Variants in FGFR2 observed in about 807,000 individuals in gnomAD.
FGFR2 encodes the protein fibroblast growth factor receptor 2.
FGFR2 carries 19 observed loss-of-function variants against 95.9 expected under a neutral mutation model. The ratio of observed to expected loss-of-function variants is 0.20; its 90% confidence interval spans 0.14 to 0.29. The LOEUF (loss-of-function observed/expected upper bound fraction) is 0.29, where lower values mean the gene tolerates loss of function less well. Ranked by LOEUF, FGFR2 falls within the 10% of genes least tolerant of loss-of-function variation. The pLI is 1.00. For missense variants in FGFR2, 707 were observed against 1,056.9 expected, an observed-to-expected ratio of 0.67 and a Z score of 4.59; for synonymous variants, 392 against 393.3, an observed-to-expected ratio of 1.00 and a Z score of 0.04.
chr10:121,485,949 G>A lies in FGFR2; in HGVS notation c.2058-417C>T, dbSNP rs529438970. Among the ~76,000 whole-genome samples the A allele has an allele frequency of 2.0e-5, 3 of 152,346 alleles. No individual in the cohort carries two copies. The highest frequency in any genetic ancestry group is 7.2e-5 in the African/African-American group (3 of 41,580). On this transcript the variant is annotated intron_variant, in intron 15 of 17. Coordinates refer to ENST00000358487, the MANE Select transcript of FGFR2 (RefSeq NM_000141.5). This position sits in a 1 kb window ranked among gnomAD's most constrained non-coding sequence, Gnocchi z 4.2. ...AAGCCAACTCCGCAGGATCACAGCT[G>A]CCCTGTGTGGCTGGCGGAACATCTG...
At chr10:121,553,129 C>G (rs1855627259) in intron 4 of FGFR2, among the ~76,000 whole-genome samples, 2 of 152,208 alleles carry the variant, frequency 1.3e-5, no homozygotes, top group Non-Finnish European at 2.9e-5. Context: ...GATTTCTTTA[C>G]AAGGCCATGC....
At chr10:121,574,549 TAATTA>T (rs1051433902) in intron 2 of FGFR2, among the ~76,000 whole-genome samples, 2 of 151,462 alleles carry the variant, frequency 1.3e-5, no homozygotes, top group Admixed American at 1.3e-4. Flanking sequence ...ATAATAATAA[TAATTA>T]AATTAAAAAA....
At chr10:121,519,413 G>A (rs945112653) in intron 7 of FGFR2, among the ~76,000 whole-genome samples, 1 of 152,130 alleles carries the variant, frequency 6.6e-6, no homozygotes, top group African/African-American at 2.4e-5. Flanking sequence ...ATATGACCTA[G>A]AGTTTATTGT....
chr10:121,593,970 A>G lies in FGFR2; in HGVS notation c.-150-3T>C. On this transcript the variant is annotated splice_polypyrimidine_tract_variant and splice_region_variant and intron_variant, in intron 1 of 17. Coordinates refer to ENST00000358487, the MANE Select transcript of FGFR2 (RefSeq NM_000141.5). ...CGCTGCCGCTGCTGCTGCAGTCACT[A>G]AAGGAAAGAGATTGGCGAGTCAGGG... The G allele has an allele frequency of 1.4e-6, 1 of 737,904 alleles. No homozygotes were observed. The highest frequency in any genetic ancestry group is 2.4e-6 in the Non-Finnish European group (1 of 410,640). 45.7% of individuals were successfully genotyped at this position (737,904 alleles called of 1,614,324 possible). A position where few individuals can be genotyped will look rare whatever the true frequency, so the allele number is the denominator to read the frequency against.
Position 121,520,001 on chromosome 10 carries a change from AGCCC to A in FGFR2, c.913_916del (p.Gly305CysfsTer27). ...CACCTTGAGAACCTTGAGGTAGGGC[AGCCC>A]GTCGGGCCCGTATTTACTGCCGTTC... On this transcript the variant is annotated frameshift_variant, in exon 7 of 18. Transcript: ENST00000358487. LOFTEE classifies it high-confidence loss of function. The A allele has an allele frequency of 1.2e-6, 2 of 1,614,244 alleles. No homozygotes were observed. Among genetic ancestry groups the A allele is most frequent in the Non-Finnish European group, 1.7e-6 (2 of 1,180,030 alleles).
chr10:121,487,465 A>C (rs777046344), intron 14 of FGFR2, 41 bp from the exon 15 acceptor site: 2 of 1,540,226 alleles, frequency 1.3e-6, no homozygotes, highest in Admixed American at 3.4e-5. Context: ...AATATATTTA[A>C]AAGAATTTAT....
rs755001161 is a variant in FGFR2, at chr10:121,538,612, G to A, written c.728C>T (p.Thr243Met). ...VENEYGSINH[T>M]YHLDVVERSP... is the part of the protein sequence containing the mutation. ...CTCACCCACAACATCCAGGTGGTAC[G>A]TGTGATTGATGGACCCGTATTCATT... The change falls in exon 6 of 18, where the codon ACG becomes ATG. Residue 243 changes from threonine to methionine, a missense_variant. Physicochemically the swap from Thr to Met is moderately conservative, Grantham distance 81. Coordinates refer to ENST00000358487, the MANE Select transcript of FGFR2 (RefSeq NM_000141.5). 11 of 1,614,180 alleles carry A rather than the reference G, an allele frequency of 6.8e-6. No individual in the cohort carries two copies. Among genetic ancestry groups the A allele is most frequent in the East Asian group, 4.5e-5 (2 of 44,866 alleles).
rs1398842143 is a variant in FGFR2 at position 121,565,665 on chromosome 10, T to A, written c.149A>T (p.Tyr50Phe). The change falls in exon 3 of 18, where the codon TAC becomes TTC. Residue 50 changes from tyrosine to phenylalanine, a missense_variant. Physicochemically the swap from Tyr to Phe is conservative, Grantham distance 22. Transcript: ENST00000358487. ...TKYQISQPEVYVAAPGESLEV... is the reference protein window; with the variant it reads ...TKYQISQPEVFVAAPGESLEV... ...TAGCGACTCCCCTGGCGCAGCCACG[T>A]ACACTTCTGGTTGAGAGATTTGGTA... The A allele has an allele frequency of 6.2e-7, 1 of 1,614,190 alleles. No homozygotes were observed. The highest frequency in any genetic ancestry group is 8.5e-7 in the Non-Finnish European group (1 of 1,180,032).
intron 6 of FGFR2, among the ~76,000 whole-genome samples, chr10:121,533,406 GGA>G (rs1852359466): frequency 6.6e-6 from 1 of 152,112 alleles, no homozygotes. Context: ...CACAAGGAGT[GGA>G]GAGAAGACAT....
At chr10:121,576,043 C>T (rs1309561090) in intron 2 of FGFR2, among the ~76,000 whole-genome samples, 3 of 151,528 alleles carry the variant, frequency 2.0e-5, no homozygotes, top group Non-Finnish European at 4.4e-5. Context: ...CAAAATTAGC[C>T]GGGCGTGGTG....
At chr10:121,481,844 T>A (rs991606462) in intron 17 of FGFR2, 4 of 188,062 alleles carry the variant, frequency 2.1e-5, no homozygotes, top group South Asian at 2.1e-4. Flanking sequence ...ATTTTTATTT[T>A]TTTTTTTTTT....
At chr10:121,594,973 G>T (rs1432873655) in intron 1 of FGFR2, among the ~76,000 whole-genome samples, 2 of 152,136 alleles carry the variant, frequency 1.3e-5, no homozygotes, top group Non-Finnish European at 2.9e-5. Context: ...AATTTTCCAA[G>T]AAAGCTTAAT....
At chr10:121,590,144 C>A (rs1339730662) in intron 2 of FGFR2, among the ~76,000 whole-genome samples, 2 of 152,122 alleles carry the variant, frequency 1.3e-5, no homozygotes, top group Non-Finnish European at 2.9e-5. Context: ...AAAATTGCTA[C>A]ACAAACTACA....
At chr10:121,553,180 G>A (rs1855638183) in intron 4 of FGFR2, among the ~76,000 whole-genome samples, 1 of 152,164 alleles carries the variant, frequency 6.6e-6, no homozygotes, top group African/African-American at 2.4e-5. Context: ...TCAAAGTGAT[G>A]GGATTTAGGT....
chr10:121,482,346 T>G (rs1467035617), intron 17 of FGFR2, among the ~76,000 whole-genome samples: 1 of 152,188 alleles, frequency 6.6e-6, no homozygotes, highest in Non-Finnish European at 1.5e-5. Flanking sequence ...AAGTGCAATC[T>G]CTTCCTTTAT....
chr10:121,597,222 C>G (rs1335612129), intron 1 of FGFR2, among the ~76,000 whole-genome samples: 1 of 152,178 alleles, frequency 6.6e-6, no homozygotes, highest in Non-Finnish European at 1.5e-5. Flanking sequence ...GGGCCCTCGG[C>G]TTTTTTCCCC....
chr10:121,486,728 G>T (rs1554906902), intron 15 of FGFR2, among the ~76,000 whole-genome samples: 1 of 152,226 alleles, frequency 6.6e-6, no homozygotes, highest in Non-Finnish European at 1.5e-5. Context: ...ACAGGTATGA[G>T]TCACTGCACA....
chr10:121,490,226 C>T (rs754608108), intron 13 of FGFR2, among the ~76,000 whole-genome samples: 6 of 138,626 alleles, frequency 4.3e-5, no homozygotes, highest in Non-Finnish European at 6.0e-5. Flanking sequence ...TGCAGTGGCA[C>T]GATCTTGGCT....
At chr10:121,558,414 T>A (rs1856486047) in intron 4 of FGFR2, among the ~76,000 whole-genome samples, 1 of 152,194 alleles carries the variant, frequency 6.6e-6, no homozygotes, top group Non-Finnish European at 1.5e-5. Flanking sequence ...TGTAATGACA[T>A]CACAGGACTG....
Sources: gnomAD v4.1 joint callset for allele counts (sites outside exome capture counted in the v4.1 genomes callset) on GRCh38, gnomAD v4.1.1 for gene constraint, Gnocchi (gnomAD v3.1) non-coding constraint, MANE v1.5 for transcripts, NCBI Gene and HGNC (gene_info 2026-07-23, HGNC 2026-07-21) for gene names.